RAPGEF5: variants seen among roughly 807,000 people sequenced by gnomAD.
The protein encoded by RAPGEF5 is Rap guanine nucleotide exchange factor 5.
RAPGEF5 carries 65 observed loss-of-function variants against 125.2 expected under a neutral mutation model. The observed-to-expected ratio is 0.52, with a 90% CI of 0.43 to 0.64. The LOEUF (loss-of-function observed/expected upper bound fraction) is 0.64, where lower values mean the gene tolerates loss of function less well. Ranked by LOEUF, RAPGEF5 falls within the 30% of genes least tolerant of loss-of-function variation. RAPGEF5 has a pLI of 0.00. For missense variants in RAPGEF5, 958 were observed against 1,048.1 expected (o/e 0.91, Z 1.19); for synonymous variants, 391 against 385.9 (o/e 1.01, Z -0.16).
chr7:22,345,103 C>G (rs1308939287), intron 1 of RAPGEF5, among the ~76,000 whole-genome samples: 3 of 152,226 alleles, frequency 2.0e-5, no homozygotes, highest in African/African-American at 7.2e-5. Flanking sequence ...TTTTAACAAG[C>G]CCTCCAGGGA....
intron 7 of RAPGEF5, among the ~76,000 whole-genome samples, chr7:22,244,463 C>T (rs1238953811): frequency 6.6e-6 from 1 of 151,916 alleles, no homozygotes; most frequent in African/African-American, 2.4e-5. Context: ...GAAGCGTGAA[C>T]CCTATTGTGA....
intron 11 of RAPGEF5, among the ~76,000 whole-genome samples, chr7:22,167,781 T>G: frequency 6.6e-6 from 1 of 152,222 alleles, no homozygotes; most frequent in East Asian, 1.9e-4. Context: ...TACTTCTTCC[T>G]AATTTCTTTT....
At chr7:22,248,773 G>T (rs547426716) in intron 7 of RAPGEF5, among the ~76,000 whole-genome samples, 4 of 152,140 alleles carry the variant, frequency 2.6e-5, no homozygotes, top group Non-Finnish European at 1.5e-5. Flanking sequence ...GGTAGGAAAT[G>T]AGCCTTTTAA....
At chr7:22,280,528 GA>G (rs1196385284) in intron 6 of RAPGEF5, among the ~76,000 whole-genome samples, 2 of 152,140 alleles carry the variant, frequency 1.3e-5, no homozygotes, top group African/African-American at 4.8e-5. Context: ...ACTGCTCTGA[GA>G]AAGCTGAAAA....
At chr7:22,196,497 C>T (rs988837048) in intron 9 of RAPGEF5, among the ~76,000 whole-genome samples, 17 of 152,284 alleles carry the variant, frequency 1.1e-4, no homozygotes, top group African/African-American at 3.6e-4. Flanking sequence ...GCTCCCTTTG[C>T]GTAAGGCACT....
intron 9 of RAPGEF5, among the ~76,000 whole-genome samples, chr7:22,209,780 C>T (rs541604180): frequency 1.3e-5 from 2 of 152,254 alleles, no homozygotes; most frequent in South Asian, 4.1e-4. Flanking sequence ...TAGGGCCTCA[C>T]AAAATCTAAC....
intron 24 of RAPGEF5, among the ~76,000 whole-genome samples, chr7:22,127,751 C>A (rs942379445): frequency 1.3e-5 from 2 of 152,158 alleles, no homozygotes; most frequent in African/African-American, 4.8e-5. Context: ...ATACAGCAAA[C>A]CCTCAATGAA....
intron 9 of RAPGEF5, among the ~76,000 whole-genome samples, chr7:22,209,583 C>A (rs2128130117): frequency 6.6e-6 from 1 of 152,306 alleles, no homozygotes; most frequent in African/African-American, 2.4e-5. Flanking sequence ...TAGACATGTG[C>A]TTCCAGATGG....
chr7:22,172,272 A>T (rs1784373187), intron 11 of RAPGEF5, among the ~76,000 whole-genome samples: 1 of 151,452 alleles, frequency 6.6e-6, no homozygotes, highest in South Asian at 2.1e-4. Context: ...ACAGGCACAC[A>T]CCACCATGCC....
intron 7 of RAPGEF5, among the ~76,000 whole-genome samples, chr7:22,246,131 C>T (rs569886967): frequency 2.0e-5 from 3 of 152,190 alleles, no homozygotes; most frequent in South Asian, 4.1e-4. Flanking sequence ...GAATGAATAT[C>T]GTTAAAATGG....
intron 14 of RAPGEF5, among the ~76,000 whole-genome samples, chr7:22,158,594 A>G (rs1336231714): frequency 6.6e-6 from 1 of 152,222 alleles, no homozygotes; most frequent in Non-Finnish European, 1.5e-5. Context: ...TCTAGAATCT[A>G]AAGCTATTTC....
At chr7:22,138,885 T>C (rs1783165408) in intron 21 of RAPGEF5, among the ~76,000 whole-genome samples, 1 of 152,248 alleles carries the variant, frequency 6.6e-6, no homozygotes, top group African/African-American at 2.4e-5. Context: ...AGCCATTTGT[T>C]TTCCTCCTAC....
intron 7 of RAPGEF5, among the ~76,000 whole-genome samples, chr7:22,252,650 T>C (rs144634430): frequency 1.4e-3 from 216 of 152,354 alleles, no homozygotes; most frequent in African/African-American, 4.5e-3. Flanking sequence ...GAGAAATCTG[T>C]GAAAAGGGCT....
At chr7:22,207,044 C>G (rs1032520052) in intron 9 of RAPGEF5, among the ~76,000 whole-genome samples, 1 of 152,106 alleles carries the variant, frequency 6.6e-6, no homozygotes, top group Non-Finnish European at 1.5e-5. Flanking sequence ...TTCAACTACA[C>G]TAGAGATGTA....
intron 7 of RAPGEF5, among the ~76,000 whole-genome samples, chr7:22,247,915 C>T (rs13237958): frequency 0.084 from 12,816 of 152,012 alleles, 621 homozygotes; most frequent in Middle Eastern, 0.1. Context: ...TAAGTGGGAG[C>T]TAAACAATGG....
At position 22,357,036 on chromosome 7, in the gene RAPGEF5, T is replaced by C; in HGVS notation, c.25A>G (p.Lys9Glu). ...GGGCTCTCGCACGGCGGCTGCATCT[T>C]GACGGAGCCCACGGCCATCCTCATG... Reference protein sequence around the residue: MRMAVGSVKMQPPCESPAL... With the variant: MRMAVGSVEMQPPCESPAL... The change falls in exon 1 of 26, where the codon AAG (lysine) becomes GAG (glutamate). Residue 9 changes from lysine to glutamate, a missense_variant. Physicochemically the swap from Lys to Glu is moderately conservative, Grantham distance 56. Coordinates refer to ENST00000665637, the MANE Select transcript of RAPGEF5 (RefSeq NM_012294.5). The C allele has an allele frequency of 1.9e-6, 2 of 1,030,912 alleles. No homozygotes were observed. The highest frequency in any genetic ancestry group is 2.3e-6 in the Non-Finnish European group (2 of 861,310). The allele number at this position is 1,030,912 out of a possible 1,614,324, so 63.9% of individuals were successfully genotyped here. A position where few individuals can be genotyped will look rare whatever the true frequency, so the allele number is the denominator to read the frequency against.
chr7:22,254,608 CAAAAA>C (rs11330777), intron 7 of RAPGEF5, among the ~76,000 whole-genome samples: 4 of 83,014 alleles, frequency 4.8e-5, no homozygotes, highest in Admixed American at 1.3e-4. Context: ...AACTCCGTCT[CAAAAA>C]AAAAAAAAAA....
intron 5 of RAPGEF5, among the ~76,000 whole-genome samples, chr7:22,306,723 A>AT (rs1273278752): frequency 1.5e-4 from 23 of 152,208 alleles, no homozygotes; most frequent in Admixed American, 1.3e-3. Context: ...TTTTGATTAG[A>AT]TTTTTTATAT....
chr7:22,133,383 T>C (rs36069983), intron 23 of RAPGEF5, among the ~76,000 whole-genome samples: 44 of 151,530 alleles, frequency 2.9e-4, no homozygotes, highest in Non-Finnish European at 5.7e-4. Flanking sequence ...AAATGAGAGG[T>C]TGGGCTGAAA....
Sources: allele counts gnomAD v4.1 joint callset (sites outside exome capture counted in the v4.1 genomes callset), GRCh38; gene constraint gnomAD v4.1.1; transcripts MANE v1.5; gene names NCBI Gene and HGNC (gene_info 2026-07-23, HGNC 2026-07-21).